The following EFL1 variants were observed in gnomAD, a reference collection of about 807,000 sequenced individuals.
The protein encoded by EFL1 is elongation factor-like GTPase 1.
EFL1 carries 76 observed loss-of-function variants against 126.7 expected under a neutral mutation model. The ratio of observed to expected loss-of-function variants is 0.60; its 90% confidence interval spans 0.50 to 0.73. EFL1 has a LOEUF of 0.73. Ranked by LOEUF, EFL1 falls within the 30% of genes least tolerant of loss-of-function variation. EFL1 has a pLI of 0.00. For missense variants in EFL1, 1,128 were observed against 1,343.2 expected (o/e 0.84, Z 2.50); for synonymous variants, 410 against 448.4 (o/e 0.91, Z 1.08).
At chr15:82,135,477 C>T (rs2073710814) in intron 19 of EFL1, among the ~76,000 whole-genome samples, 1 of 151,898 alleles carries the variant, frequency 6.6e-6, no homozygotes, top group Admixed American at 6.6e-5. Context: ...ACCTAGAGTC[C>T]GAAGGTGGGG....
At chr15:82,205,151 G>A (rs1490925388) in intron 15 of EFL1, among the ~76,000 whole-genome samples, 6 of 152,234 alleles carry the variant, frequency 3.9e-5, no homozygotes, top group African/African-American at 1.2e-4. Context: ...TTGTAACTAG[G>A]GAAGCCCCAA....
chr15:82,160,324 G>C (rs537480945), intron 16 of EFL1, among the ~76,000 whole-genome samples: 2 of 152,180 alleles, frequency 1.3e-5, no homozygotes, highest in Non-Finnish European at 2.9e-5. Context: ...GGTGATGTAT[G>C]ACTACCACTA....
At chr15:82,193,976 CTCTG>C (rs888171998) in intron 15 of EFL1, among the ~76,000 whole-genome samples, 1 of 152,208 alleles carries the variant, frequency 6.6e-6, no homozygotes, top group Admixed American at 6.5e-5. Context: ...CCAGGCTACT[CTCTG>C]TCTGTCTTTG....
At position 82,262,705 on chromosome 15, in the gene EFL1, A is replaced by C. The variant is rs1246822842; in HGVS notation, c.-111T>G. The C allele has an allele frequency of 2.8e-6, 2 of 702,932 alleles. No individual in the cohort carries two copies. Among genetic ancestry groups the C allele is most frequent in the Admixed American group, 3.3e-5 (1 of 30,152 alleles). 43.5% of individuals were successfully genotyped at this position (702,932 alleles called of 1,614,324 possible). On this transcript the variant is annotated 5_prime_UTR_variant, in exon 1 of 20. Transcript: ENST00000268206. ...AGTCCGAGAGCTCTGCGGGTCCGAC[A>C]CGCCCGCGCGCCAGGGGGCGGGGCC...
At chr15:82,174,498 C>G (rs1206520806) in intron 15 of EFL1, 1 of 152,150 alleles carries the variant, frequency 6.6e-6, no homozygotes, top group African/African-American at 2.4e-5. Context: ...GGCAATGAAC[C>G]TGGGATTATA....
chr15:82,252,854 G>C (rs2075035314), intron 3 of EFL1, 79 bp from the exon 4 acceptor site: 1 of 927,970 alleles, frequency 1.1e-6, no homozygotes, highest in Non-Finnish European at 1.7e-6. Flanking sequence ...TTAGATTTTT[G>C]TTTTAAATAC....
intron 4 of EFL1, among the ~76,000 whole-genome samples, chr15:82,248,279 G>C (rs1293724750): frequency 6.6e-6 from 1 of 152,048 alleles, no homozygotes; most frequent in Non-Finnish European, 1.5e-5. Flanking sequence ...TCAGTCAAAT[G>C]AGGGGTAATG....
At chr15:82,131,398 C>G (rs912727671) in intron 19 of EFL1, among the ~76,000 whole-genome samples, 15 of 152,212 alleles carry the variant, frequency 9.9e-5, no homozygotes, top group Non-Finnish European at 2.2e-4. Flanking sequence ...CTCAAGTGAT[C>G]CTCCTCCCTT....
intron 15 of EFL1, among the ~76,000 whole-genome samples, chr15:82,184,644 T>C (rs548593099): frequency 3.3e-5 from 5 of 152,200 alleles, no homozygotes; most frequent in Non-Finnish European, 4.4e-5. Context: ...CAAGTTAGCA[T>C]AGATATTTGC....
intron 15 of EFL1, among the ~76,000 whole-genome samples, chr15:82,188,074 G>A (rs1043531920): frequency 6.6e-6 from 1 of 152,004 alleles, no homozygotes; most frequent in African/African-American, 2.4e-5. Flanking sequence ...TCTTTGTCCT[G>A]TTGAATGCTT....
intron 7 of EFL1, among the ~76,000 whole-genome samples, chr15:82,231,831 G>A (rs529773538): frequency 1.3e-5 from 2 of 152,274 alleles, no homozygotes; most frequent in East Asian, 1.9e-4. Context: ...TGAAGACAAG[G>A]TGAAAGGCTG....
chr15:82,172,461 G>C (rs547151874), intron 15 of EFL1, among the ~76,000 whole-genome samples: 6 of 152,316 alleles, frequency 3.9e-5, no homozygotes, highest in Non-Finnish European at 8.8e-5. Context: ...CTGGCAGTTA[G>C]TGAGCAGGGG....
At chr15:82,262,104 C>A (rs1408624446) in intron 1 of EFL1, 1 of 227,942 alleles carries the variant, frequency 4.4e-6, no homozygotes, top group African/African-American at 2.3e-5. Flanking sequence ...GAGGAGTACT[C>A]CAGTAAACAT....
Position 82,151,820 on chromosome 15 carries a change from G to C in EFL1, c.2634C>G (p.Leu878=), listed in dbSNP as rs878954091. 1 of 1,614,138 alleles carries C rather than the reference G, an allele frequency of 6.2e-7. No homozygotes were observed. The highest frequency in any genetic ancestry group is 1.7e-5 in the Admixed American group (1 of 60,022). The change falls in exon 18 of 20, where the codon CTC becomes CTG. Residue 878 remains leucine (L), a synonymous_variant. Transcript: ENST00000268206. ...GAGGCTCCTCACACATGGGGCCAGA[G>C]AGGGTTGCTAGTTGGAAGCCACTCA... ...SIVSGFQLAT[L]SGPMCEEPLM... is the part of the protein sequence containing the mutation.
At chr15:82,261,032 G>T (rs2075110110) in intron 2 of EFL1, among the ~76,000 whole-genome samples, 1 of 152,032 alleles carries the variant, frequency 6.6e-6, no homozygotes, top group Non-Finnish European at 1.5e-5. Context: ...CCATATACTG[G>T]GCTTTGACCA....
At chr15:82,146,806 G>T (rs2141222593) in intron 18 of EFL1, among the ~76,000 whole-genome samples, 1 of 152,190 alleles carries the variant, frequency 6.6e-6, no homozygotes, top group African/African-American at 2.4e-5. Flanking sequence ...AGGCAGTGAG[G>T]CCCAATACAG....
At chr15:82,199,341 G>C (rs1359004118) in intron 15 of EFL1, among the ~76,000 whole-genome samples, 2 of 152,184 alleles carry the variant, frequency 1.3e-5, no homozygotes, top group Non-Finnish European at 1.5e-5. Flanking sequence ...AAGAGAGAGA[G>C]ATCCTGGGCT....
intron 15 of EFL1, among the ~76,000 whole-genome samples, chr15:82,176,311 T>C (rs572860027): frequency 1.3e-5 from 2 of 152,280 alleles, no homozygotes; most frequent in African/African-American, 2.4e-5. Context: ...CAAAAAGCGT[T>C]AGTCGTAAAA....
rs753554745 is a variant in EFL1, at chr15:82,228,313, A to C, written c.947T>G (p.Ile316Ser). The C allele has an allele frequency of 2.5e-6, 4 of 1,613,666 alleles. No individual in the cohort carries two copies. Among genetic ancestry groups the C allele is most frequent in the Admixed American group, 3.3e-5 (2 of 59,920 alleles). Residue 316 changes from isoleucine (I) to serine (S), a missense_variant, in exon 10 of 20, where the codon ATT (isoleucine) becomes AGT (serine). Physicochemically the swap from Ile to Ser is moderately radical, Grantham distance 142. This residue lies in a region of EFL1 where 316 missense variants were observed against 318.5 expected (regional missense o/e 0.99). Transcript: ENST00000268206. ...TCCTAAAGAAGTCACTATTTTATCA[A>C]TTTTGTCTTTGTCCCTGTGGTAAAC... The part of the protein sequence containing the change: ...DAVLKKDKDK[I>S]DKIVTSLGLK...
Sources: allele counts gnomAD v4.1 joint callset (sites outside exome capture counted in the v4.1 genomes callset), GRCh38; gene constraint gnomAD v4.1.1; regional missense constraint gnomAD v4.1.1; transcripts MANE v1.5; gene names NCBI Gene and HGNC (gene_info 2026-07-23, HGNC 2026-07-21).